Variants in NXPE2 observed in about 807,000 individuals in gnomAD.
NXPE2 encodes neurexophilin and PC-esterase domain family member 2, also known as NXPE family member 2.
A neutral mutation model predicts 34.4 loss-of-function variants in NXPE2; 34 were observed. That is an observed-to-expected ratio of 0.99 (90% CI 0.75 to 1.31). The LOEUF is 1.31. NXPE2 is among the 40% of genes most tolerant of loss of function. The probability of loss-of-function intolerance (pLI) is 0.00; values close to 1 mark genes in which losing one functional copy is unlikely to be tolerated. For synonymous variants in NXPE2, 235 were observed against 231.3 expected, an observed-to-expected ratio of 1.02 and a Z score of -0.15; for missense variants, 649 against 672.5, an observed-to-expected ratio of 0.97 and a Z score of 0.39.
chr11:114,796,631 C>T, the NXPE2 span, among the ~76,000 whole-genome samples: 6 of 152,174 alleles, frequency 3.9e-5, no homozygotes, highest in African/African-American at 1.4e-4. Flanking sequence ...ACTTATCTAG[C>T]AAATATCCCA....
chr11:114,550,456 C>G, the NXPE2 span, among the ~76,000 whole-genome samples: 1 of 152,078 alleles, frequency 6.6e-6, no homozygotes, highest in African/African-American at 2.4e-5. Flanking sequence ...GGAGGCCGCA[C>G]TCAACATCAG....
chr11:114,616,879 C>T, the NXPE2 span, among the ~76,000 whole-genome samples: 8 of 151,900 alleles, frequency 5.3e-5, no homozygotes, highest in East Asian at 5.8e-4. Flanking sequence ...GACTGTTACC[C>T]GCTGGATACT....
chr11:114,585,501 G>T, the NXPE2 span, among the ~76,000 whole-genome samples: 2 of 151,852 alleles, frequency 1.3e-5, no homozygotes, highest in East Asian at 1.9e-4. Flanking sequence ...AGATAAATTG[G>T]ATTTAAGTCA....
chr11:114,758,158 A>C, the NXPE2 span, among the ~76,000 whole-genome samples: 1 of 149,496 alleles, frequency 6.7e-6, no homozygotes, highest in East Asian at 1.9e-4. Flanking sequence ...CACAGACACT[A>C]TGACTTCTTC....
At chr11:114,520,091 C>T in the NXPE2 span, among the ~76,000 whole-genome samples, 4 of 152,062 alleles carry the variant, frequency 2.6e-5, no homozygotes, top group African/African-American at 7.2e-5. Context: ...CGTAAGCCAC[C>T]GTGCCTGGCC....
chr11:114,777,923 C>A, the NXPE2 span, among the ~76,000 whole-genome samples: 7 of 152,178 alleles, frequency 4.6e-5, no homozygotes. Context: ...AGCAACTGAG[C>A]AAATAACTGT....
At chr11:114,641,266 C>T in the NXPE2 span, among the ~76,000 whole-genome samples, 9 of 151,834 alleles carry the variant, frequency 5.9e-5, no homozygotes, top group Non-Finnish European at 1.3e-4. Flanking sequence ...AATAATATCA[C>T]TATCTATATT....
the NXPE2 span, among the ~76,000 whole-genome samples, chr11:114,653,596 C>T: frequency 7.6e-5 from 11 of 144,592 alleles, no homozygotes; most frequent in South Asian, 2.2e-4. Context: ...GGCACGATCT[C>T]GGCTCACTGC....
At chr11:114,476,077 G>A in the NXPE2 span, among the ~76,000 whole-genome samples, 2 of 152,182 alleles carry the variant, frequency 1.3e-5, no homozygotes, top group Non-Finnish European at 2.9e-5. Context: ...ACTGAAATTT[G>A]AACCATGTTG....
the NXPE2 span, among the ~76,000 whole-genome samples, chr11:114,720,227 C>T: frequency 1.3e-5 from 2 of 151,982 alleles, no homozygotes; most frequent in Non-Finnish European, 2.9e-5. Context: ...ATATATTCAC[C>T]AGTTGGCATG....
At chr11:114,799,470 A>T in the NXPE2 span, among the ~76,000 whole-genome samples, 1 of 152,172 alleles carries the variant, frequency 6.6e-6, no homozygotes, top group Non-Finnish European at 1.5e-5. Context: ...GATAAATGAG[A>T]TGGTGATGAA....
the NXPE2 span, among the ~76,000 whole-genome samples, chr11:114,788,444 A>G: frequency 1.3e-5 from 2 of 152,224 alleles, no homozygotes; most frequent in East Asian, 3.9e-4. Flanking sequence ...GCAGCCGAAC[A>G]TCATCTCTGG....
At chr11:114,601,950 A>T in the NXPE2 span, among the ~76,000 whole-genome samples, 37 of 76,580 alleles carry the variant, frequency 4.8e-4, no homozygotes, top group Non-Finnish European at 8.4e-4. Context: ...ATATAATTAT[A>T]TATAATATTA....
the NXPE2 span, among the ~76,000 whole-genome samples, chr11:114,505,463 A>G: frequency 6.6e-6 from 1 of 152,018 alleles, no homozygotes; most frequent in Non-Finnish European, 1.5e-5. Flanking sequence ...AAAATGTTAA[A>G]GGCAGCCAGA....
chr11:114,759,765 C>A, the NXPE2 span, among the ~76,000 whole-genome samples: 1 of 151,998 alleles, frequency 6.6e-6, no homozygotes, highest in South Asian at 2.1e-4. Flanking sequence ...AGTAATTTAT[C>A]TTTAATTGCT....
chr11:114,587,067 C>G, the NXPE2 span, among the ~76,000 whole-genome samples: 8 of 152,126 alleles, frequency 5.3e-5, no homozygotes, highest in African/African-American at 1.7e-4. Flanking sequence ...TTCCATGAGG[C>G]ATATTGTTGG....
the NXPE2 span, among the ~76,000 whole-genome samples, chr11:114,635,907 G>T: frequency 6.6e-6 from 1 of 152,206 alleles, no homozygotes; most frequent in South Asian, 2.1e-4. Context: ...GTTCATCAAG[G>T]ATATTGGTCT....
the NXPE2 span, among the ~76,000 whole-genome samples, chr11:114,779,198 G>A: frequency 6.6e-6 from 1 of 152,190 alleles, no homozygotes; most frequent in African/African-American, 2.4e-5. Flanking sequence ...TCCTTCGCCA[G>A]AGCTCTGTAG....
chr11:114,614,686 G>T, the NXPE2 span, among the ~76,000 whole-genome samples: 2 of 151,510 alleles, frequency 1.3e-5, no homozygotes, highest in Non-Finnish European at 2.9e-5. Flanking sequence ...GTGTTGCCTC[G>T]TGGGTAACCA....
Sources: allele counts gnomAD v4.1 joint callset (sites outside exome capture counted in the v4.1 genomes callset), GRCh38; gene constraint gnomAD v4.1.1; transcripts MANE v1.5; gene names NCBI Gene and HGNC (gene_info 2026-07-23, HGNC 2026-07-21).